TOMM20: variants seen among roughly 807,000 people sequenced by gnomAD.
TOMM20 encodes translocase of outer mitochondrial membrane 20.
A neutral mutation model predicts 22.1 loss-of-function variants in TOMM20; 10 were observed. The observed-to-expected ratio is 0.45, with a 90% confidence interval of 0.28 to 0.77. The LOEUF (loss-of-function observed/expected upper bound fraction) is 0.77. Among genes scored for constraint, TOMM20 ranks in the 30% least tolerant of loss-of-function variants. The probability of loss-of-function intolerance (pLI) is 0.13; values close to 1 mark genes in which losing one functional copy is unlikely to be tolerated. For missense variants in TOMM20, 121 were observed against 172.2 expected (o/e 0.70, Z 1.66); for synonymous variants, 55 against 61.4 (o/e 0.90, Z 0.49).
intron 1 of TOMM20, chr1:235,127,924 G>T (rs746922003): frequency 3.9e-6 from 2 of 518,828 alleles, no homozygotes; most frequent in South Asian, 2.8e-5. Context: ...TACCAAGAGG[G>T]TTTAAGAATG....
intron 1 of TOMM20, among the ~76,000 whole-genome samples, chr1:235,126,426 C>A (rs1230302180): frequency 6.6e-6 from 1 of 152,118 alleles, no homozygotes; most frequent in Non-Finnish European, 1.5e-5. Flanking sequence ...GCCACCACAC[C>A]CAGCCTCAAT....
intron 1 of TOMM20, chr1:235,127,925 T>C (rs374582147): frequency 1.9e-6 from 1 of 518,448 alleles, no homozygotes; most frequent in Non-Finnish European, 3.8e-6. Flanking sequence ...ACCAAGAGGG[T>C]TTAAGAATGC....
rs1660698107 is a variant in TOMM20, at chr1:235,109,428, T to C, written c.*2636A>G. 1 of 152,272 alleles carries C rather than the reference T, an allele frequency of 6.6e-6. No individual in the cohort carries two copies. Among genetic ancestry groups the C allele is most frequent in the Non-Finnish European group, 1.5e-5 (1 of 68,050 alleles). The allele number at this position is 152,272 out of a possible 1,614,324, so 9.4% of individuals were successfully genotyped here. A position where few individuals can be genotyped will look rare whatever the true frequency, so the allele number is the denominator to read the frequency against. ...TTTTTTACGTTACAAAAAGATTTTG[T>C]ATGTTATCTGCATGATATACCAATT... is the stretch of plus-strand genomic sequence containing the variant. On this transcript the variant is annotated 3_prime_UTR_variant, in exon 5 of 5. Transcript: ENST00000366607.
At chr1:235,128,531 C>T (rs1661075284) in intron 1 of TOMM20, 64 bp downstream of exon 1, 1 of 1,608,446 alleles carries the variant, frequency 6.2e-7, no homozygotes, top group East Asian at 2.2e-5. Flanking sequence ...AGGCAATGAC[C>T]CCTCCTGTGA....
In TOMM20 at chr1:235,111,096, G is replaced by T. The variant is rs1205843027; in HGVS notation, c.*968C>A. On this transcript the variant is annotated 3_prime_UTR_variant, in exon 5 of 5. Coordinates refer to ENST00000366607, the MANE Select transcript of TOMM20 (RefSeq NM_014765.3). ...TAAAAGTTTCGGATTAATTTACAGAGTAGTGACAGAACCATATAATTTCAG... is the reference window on the plus strand; with the variant it reads ...TAAAAGTTTCGGATTAATTTACAGATTAGTGACAGAACCATATAATTTCAG... The T allele has an allele frequency of 3.9e-5, 6 of 152,102 alleles. No individual in the cohort carries two copies. The highest frequency in any genetic ancestry group is 8.8e-5 in the Non-Finnish European group (6 of 68,030). The allele number at this position is 152,102 out of a possible 1,614,324, so 9.4% of individuals were successfully genotyped here. A position where few individuals can be genotyped will look rare whatever the true frequency, so the allele number is the denominator to read the frequency against.
chr1:235,122,766 T>C (rs1660948990), intron 1 of TOMM20, among the ~76,000 whole-genome samples: 1 of 152,240 alleles, frequency 6.6e-6, no homozygotes, highest in Non-Finnish European at 1.5e-5. Context: ...ATTATATCTT[T>C]ACTGAATGTT....
At position 235,128,802 on chromosome 1, in the gene TOMM20, T is replaced by C; in HGVS notation, c.-87A>G. On this transcript the variant is annotated 5_prime_UTR_variant, in exon 1 of 5. Coordinates refer to ENST00000366607, the MANE Select transcript of TOMM20 (RefSeq NM_014765.3). ...GAACCCTCAGAGCGGTCGGCGCAGC[T>C]CACACCCGACGGCCGCGGGCCAGGA... 6.3e-7 allele frequency: 1 copy of C among 1,579,248 alleles called. No individual in the cohort carries two copies. Among genetic ancestry groups the C allele is most frequent in the Non-Finnish European group, 8.6e-7 (1 of 1,164,284 alleles).
chr1:235,124,751 ACTT>A (rs1660984023), intron 1 of TOMM20, among the ~76,000 whole-genome samples: 2 of 152,202 alleles, frequency 1.3e-5, no homozygotes, highest in African/African-American at 4.8e-5. Flanking sequence ...TTTTAAGATC[ACTT>A]AGTTGCTTTA....
intron 1 of TOMM20, among the ~76,000 whole-genome samples, chr1:235,123,423 T>G (rs1572131091): frequency 6.6e-6 from 1 of 152,264 alleles, no homozygotes; most frequent in East Asian, 1.9e-4. Context: ...AGGCGGAGGT[T>G]GCAGTGAGCA....
intron 3 of TOMM20, among the ~76,000 whole-genome samples, chr1:235,116,263 G>C (rs977630307): frequency 6.6e-6 from 1 of 152,074 alleles, no homozygotes; most frequent in Non-Finnish European, 1.5e-5. Flanking sequence ...AATTAGGCCG[G>C]GGTGTGGTGG....
At chr1:235,127,266 A>G (rs116054136) in intron 1 of TOMM20, among the ~76,000 whole-genome samples, 1,727 of 152,320 alleles carry the variant, frequency 0.011, 29 homozygotes, top group African/African-American at 0.036. Context: ...CTCAACCTTC[A>G]CAAGATCAAC....
In TOMM20 at chr1:235,111,853, T is replaced by C. The variant is rs918686229; in HGVS notation, c.*211A>G. The C allele has an allele frequency of 3.5e-5, 19 of 535,688 alleles. No homozygotes were observed. The highest frequency in any genetic ancestry group is 2.3e-4 in the African/African-American group (12 of 51,262). 33.2% of individuals were successfully genotyped at this position (535,688 alleles called of 1,614,324 possible). On this transcript the variant is annotated 3_prime_UTR_variant, in exon 5 of 5. Transcript: ENST00000366607. ...ATTTTAGTAACTCATAGTGTATTTA[T>C]AGAATGAAAAGTTCTCTATCAAAAT...
At chr1:235,127,855 G>A in intron 1 of TOMM20, 1 of 519,108 alleles carries the variant, frequency 1.9e-6, no homozygotes, top group Non-Finnish European at 3.8e-6. Context: ...GCAGCCCTTT[G>A]GACTCCCCTG....
chr1:235,128,336 T>C (rs566343213), intron 1 of TOMM20, among the ~76,000 whole-genome samples: 22 of 152,188 alleles, frequency 1.4e-4, no homozygotes, highest in Non-Finnish European at 2.9e-4. Flanking sequence ...ACACCCGAGA[T>C]TGCAACAGAA....
At chr1:235,117,740 G>A (rs193100246) in intron 3 of TOMM20, among the ~76,000 whole-genome samples, 53 of 152,224 alleles carry the variant, frequency 3.5e-4, no homozygotes, top group Middle Eastern at 3.4e-3. Context: ...TGACTACTGC[G>A]GGGTATCTGA....
chr1:235,112,148 C>T, intron 4 of TOMM20, 40 bp from the exon 5 acceptor site: 1 of 1,478,862 alleles, frequency 6.8e-7, no homozygotes, highest in Non-Finnish European at 9.2e-7. Context: ...GTGTCATAAG[C>T]ATTTAATTAG....
Position 235,127,821 on chromosome 1 carries a change from A to G in TOMM20, c.121+774T>C, listed in dbSNP as rs367862987. 7.5e-4 allele frequency: 389 copies of G among 518,978 alleles called. 2 individuals carry two copies. The highest frequency in any genetic ancestry group is 1.4e-3 in the African/African-American group (72 of 52,078). 32.1% of individuals were successfully genotyped at this position (518,978 alleles called of 1,614,324 possible). On this transcript the variant is annotated intron_variant, in intron 1 of 4. Coordinates refer to ENST00000366607, the MANE Select transcript of TOMM20 (RefSeq NM_014765.3). ...TCTTAAAAGATGTCGCAGGTATGAA[A>G]TAAGACTGAGCCACGGGAGAAGCGC... is the stretch of plus-strand genomic sequence containing the variant.
At chr1:235,122,214 T>A in intron 2 of TOMM20, 112 bp downstream of exon 2, 1 of 859,442 alleles carries the variant, frequency 1.2e-6, no homozygotes, top group Non-Finnish European at 1.7e-6. Context: ...AAAAAAGCAA[T>A]GTCCAGTATC....
At chr1:235,115,869 A>G (rs1388086323) in intron 3 of TOMM20, among the ~76,000 whole-genome samples, 1 of 152,002 alleles carries the variant, frequency 6.6e-6, no homozygotes, top group Non-Finnish European at 1.5e-5. Context: ...CCCATTATAA[A>G]AAATTCAGGA....
Sources: allele counts gnomAD v4.1 joint callset (sites outside exome capture counted in the v4.1 genomes callset), GRCh38; gene constraint gnomAD v4.1.1; transcripts MANE v1.5; gene names NCBI Gene and HGNC (gene_info 2026-07-23, HGNC 2026-07-21).